The following DAPK1 variants were observed in gnomAD, a reference collection of about 807,000 sequenced individuals.
DAPK1 encodes the protein death-associated protein kinase 1.
In DAPK1, 56 loss-of-function variants were observed where a neutral mutation model predicts 144.9. That is an observed-to-expected ratio of 0.39 (90% CI 0.31 to 0.48). The LOEUF is 0.48. DAPK1 is among the 20% of genes least tolerant of loss of function. The probability of loss-of-function intolerance (pLI) is 0.95; values close to 1 mark genes in which losing one functional copy is unlikely to be tolerated. For synonymous variants in DAPK1, 690 were observed against 749.0 expected (o/e 0.92, Z 1.29); for missense variants, 1,454 against 1,875.4 (o/e 0.78, Z 4.15).
intron 21 of DAPK1, among the ~76,000 whole-genome samples, chr9:87,689,541 T>G (rs1824982958): frequency 6.6e-6 from 1 of 152,228 alleles, no homozygotes; most frequent in Non-Finnish European, 1.5e-5. Flanking sequence ...TTGTCTATTT[T>G]TGTTTTTATT....
At position 87,610,839 on chromosome 9, in the gene DAPK1, T is replaced by C. The variant is rs141465537; in HGVS notation, c.284+5664T>C. 3.9e-5 allele frequency among the ~76,000 whole-genome samples: 6 copies of C among 152,362 alleles called. No homozygotes were observed. The East Asian group carries it at 1.2e-3, about 29-fold the overall frequency. Reference sequence around the variant, plus strand: ...TTCCAGTTTTTTCAGGAAAAGTCTGTAATCTAGATTTTTAATATTGGCAGT... The same window carrying C: ...TTCCAGTTTTTTCAGGAAAAGTCTGCAATCTAGATTTTTAATATTGGCAGT... On this transcript the variant is annotated intron_variant, in intron 3 of 25. Coordinates refer to ENST00000408954, the MANE Select transcript of DAPK1 (RefSeq NM_004938.4).
At chr9:87,573,076 G>T (rs1827418634) in intron 2 of DAPK1, among the ~76,000 whole-genome samples, 1 of 152,162 alleles carries the variant, frequency 6.6e-6, no homozygotes, top group African/African-American at 2.4e-5. Context: ...ATCTCTGCAA[G>T]GCCACACGGA....
rs1193019269 is a variant in DAPK1 at position 87,605,062 on chromosome 9, C to A, written c.171C>A (p.Ser57Arg). 6.2e-7 allele frequency: 1 copy of A among 1,614,072 alleles called. No homozygotes were observed. Among genetic ancestry groups the A allele is most frequent in the African/African-American group, 1.3e-5 (1 of 74,918 alleles). Residue 57 changes from serine (S) to arginine (R), a missense_variant, in exon 3 of 26, where the codon AGC becomes AGA. By Grantham distance (110) the Ser-to-Arg change is moderately radical (BLOSUM62 -1). This residue lies in a region of DAPK1 where 429 missense variants were observed against 637.5 expected (regional missense o/e 0.67). Coordinates refer to ENST00000408954, the MANE Select transcript of DAPK1 (RefSeq NM_004938.4). ...RRTKSSRRGV[S>R]REDIEREVSI... is the part of the protein sequence containing the mutation. ...CTAAGTCCAGCCGGCGGGGTGTGAG[C>A]CGCGAGGACATCGAGCGGGAGGTCA...
intron 11 of DAPK1, among the ~76,000 whole-genome samples, 182 bp from the exon 12 acceptor site, chr9:87,645,713 C>T (rs1014772614): frequency 6.6e-6 from 1 of 152,144 alleles, no homozygotes; most frequent in Non-Finnish European, 1.5e-5. Context: ...TGCTTGTTTG[C>T]AACATGGAAG....
intron 2 of DAPK1, among the ~76,000 whole-genome samples, chr9:87,569,564 G>A (rs556946679): frequency 6.6e-6 from 1 of 152,282 alleles, no homozygotes; most frequent in East Asian, 1.9e-4. Context: ...TGTCAGTTTA[G>A]GCTCAAAACG....
intron 20 of DAPK1, among the ~76,000 whole-genome samples, chr9:87,681,938 A>G (rs1824645273): frequency 6.6e-6 from 1 of 152,220 alleles, no homozygotes; most frequent in South Asian, 2.1e-4. Context: ...ACACAGTTGC[A>G]AATTGCATTG....
chr9:87,701,246 G>A lies in DAPK1; in HGVS notation c.2871+1009G>A, dbSNP rs117238480. On this transcript the variant is annotated intron_variant, in intron 24 of 25. Transcript: ENST00000408954. The stretch of plus-strand genomic sequence containing the variant: ...GCACAACTGGCTATTTGTCTGGAAG[G>A]AAATAAAGTTGGATTCCTACACCCT... Among the ~76,000 whole-genome samples, 392 of 152,202 alleles carry A rather than the reference G, an allele frequency of 2.6e-3. 1 individual carries two copies. Among genetic ancestry groups the A allele is most frequent in the Middle Eastern group, 0.017 (5 of 294 alleles).
chr9:87,614,118 C>T (rs1033506061), intron 3 of DAPK1, among the ~76,000 whole-genome samples: 1 of 152,168 alleles, frequency 6.6e-6, no homozygotes, highest in African/African-American at 2.4e-5. Context: ...TGTGTCTTCC[C>T]CCATACTCTC....
intron 3 of DAPK1, among the ~76,000 whole-genome samples, chr9:87,613,208 T>A (rs573514530): frequency 9.8e-5 from 15 of 152,348 alleles, no homozygotes; most frequent in South Asian, 4.1e-4. Context: ...CTGATTTTTT[T>A]AATCATGGTA....
At chr9:87,657,867 G>C in intron 17 of DAPK1, 162 bp from the exon 18 acceptor site, 1 of 638,236 alleles carries the variant, frequency 1.6e-6, no homozygotes, top group Non-Finnish European at 2.8e-6. Flanking sequence ...GGTTCTGCCT[G>C]GCTGGCCTGC....
chr9:87,637,025 G>C (rs568946801), intron 3 of DAPK1, among the ~76,000 whole-genome samples: 1 of 152,060 alleles, frequency 6.6e-6, no homozygotes, highest in Non-Finnish European at 1.5e-5. Flanking sequence ...CCCACTTACA[G>C]TCTGGACAGA....
At chr9:87,547,680 G>C (rs1320471983) in intron 2 of DAPK1, among the ~76,000 whole-genome samples, 1 of 151,796 alleles carries the variant, frequency 6.6e-6, no homozygotes. Flanking sequence ...TCCAGAATTT[G>C]CTGGGGTAGT....
chr9:87,547,576 AGAGTGTGT>A (rs112049102), intron 2 of DAPK1, among the ~76,000 whole-genome samples: 1,514 of 145,534 alleles, frequency 0.01, 29 homozygotes, highest in African/African-American at 0.034. Context: ...GGAGAGAGAG[AGAGTGTGT>A]GTGTGTGTGT....
At chr9:87,616,751 A>G (rs36208410) in intron 3 of DAPK1, among the ~76,000 whole-genome samples, 1 of 151,606 alleles carries the variant, frequency 6.6e-6, no homozygotes, top group South Asian at 2.1e-4. Context: ...GGAATGGATA[A>G]CTTCCTGGAG....
At chr9:87,617,462 C>A (rs1167935719) in intron 3 of DAPK1, among the ~76,000 whole-genome samples, 1 of 152,126 alleles carries the variant, frequency 6.6e-6, no homozygotes, top group Non-Finnish European at 1.5e-5. Flanking sequence ...TTGACATCCA[C>A]GTTTATAATG....
At chr9:87,632,030 A>T (rs1264641799) in intron 3 of DAPK1, 2 of 782,746 alleles carry the variant, frequency 2.6e-6, no homozygotes, top group Non-Finnish European at 1.6e-6. Context: ...ATGAGTATAT[A>T]TGTAGGGATG....
chr9:87,582,637 C>T (rs1827792355), intron 2 of DAPK1, among the ~76,000 whole-genome samples: 2 of 151,186 alleles, frequency 1.3e-5, no homozygotes, highest in Admixed American at 1.3e-4. Context: ...TCACTGCAAC[C>T]TCCGCCTCCC....
At chr9:87,653,442 A>G (rs528502520) in intron 17 of DAPK1, among the ~76,000 whole-genome samples, 1 of 152,344 alleles carries the variant, frequency 6.6e-6, no homozygotes, top group East Asian at 1.9e-4. Flanking sequence ...GATAAACAGA[A>G]AATTATTATA....
chr9:87,581,006 A>G (rs1827735868), intron 2 of DAPK1, among the ~76,000 whole-genome samples: 1 of 152,228 alleles, frequency 6.6e-6, no homozygotes, highest in African/African-American at 2.4e-5. Context: ...TCTCCCACTC[A>G]GCTACAGAGT....
Sources: gnomAD v4.1 joint callset for allele counts (sites outside exome capture counted in the v4.1 genomes callset) on GRCh38, gnomAD v4.1.1 for gene constraint, gnomAD v4.1.1 regional missense constraint, MANE v1.5 for transcripts, NCBI Gene and HGNC (gene_info 2026-07-23, HGNC 2026-07-21) for gene names.